SAMSN1: variants seen among roughly 807,000 people sequenced by gnomAD.
SAMSN1 encodes SAM domain-containing protein SAMSN-1.
Under a neutral mutation model 42.0 loss-of-function variants are expected in SAMSN1, and 31 were observed. That is an observed-to-expected ratio of 0.74 (90% CI 0.55 to 1.00). SAMSN1 has a LOEUF of 1.00. Among genes scored for constraint, SAMSN1 ranks in the 50% least tolerant of loss-of-function variants. The pLI, the probability that SAMSN1 is intolerant of heterozygous loss-of-function variation, is 0.00. For synonymous variants in SAMSN1, 178 were observed against 151.9 expected (o/e 1.17, Z -1.26); for missense variants, 464 against 439.4 (o/e 1.06, Z -0.50).
intron 2 of SAMSN1, among the ~76,000 whole-genome samples, chr21:14,560,282 AT>A (rs1230319209): frequency 1.3e-5 from 2 of 152,156 alleles, no homozygotes; most frequent in African/African-American, 2.4e-5. Flanking sequence ...AGTATATGAT[AT>A]TAGAGACATG....
At chr21:14,532,067 G>T (rs940261210) in intron 1 of SAMSN1, among the ~76,000 whole-genome samples, 1 of 152,026 alleles carries the variant, frequency 6.6e-6, no homozygotes, top group Admixed American at 6.6e-5. Context: ...AATGGTCACC[G>T]CCAGCCCAGC....
chr21:14,642,552 C>G lies in SAMSN1; in HGVS notation c.156+450G>C, dbSNP rs146814474. On this transcript the variant is annotated intron_variant, in intron 2 of 15. Coordinates refer to the SAMSN1 transcript ENST00000647101. ...TAGCTTGAAATTGGCCATGGTGGAG[C>G]ATTTACACTGTGGAAATTGACAAAC... 9.2e-5 allele frequency among the ~76,000 whole-genome samples: 14 copies of G among 152,300 alleles called. No homozygotes were observed. In the East Asian group the frequency reaches 2.7e-3, roughly 29 times the overall value.
chr21:14,623,859 T>G (rs8131281), intron 2 of SAMSN1, among the ~76,000 whole-genome samples: 1 of 152,080 alleles, frequency 6.6e-6, no homozygotes, highest in Non-Finnish European at 1.5e-5. Flanking sequence ...ATTCCAAAAC[T>G]GACCACATAG....
intron 5 of SAMSN1, chr21:14,609,466 TA>T: frequency 1.4e-6 from 1 of 717,788 alleles, no homozygotes; most frequent in Non-Finnish European, 2.6e-6. Flanking sequence ...TCAGCTGAAC[TA>T]AATTTAGCAA....
intron 6 of SAMSN1, chr21:14,594,820 T>C (rs962809192): frequency 6.6e-6 from 1 of 152,200 alleles, no homozygotes; most frequent in African/African-American, 2.4e-5. Flanking sequence ...AATATGATAG[T>C]GTATTAGTCC....
In SAMSN1 at chr21:14,516,952, A is replaced by G; in HGVS notation, c.219T>C (p.Ile73=). The G allele has an allele frequency of 6.2e-7, 1 of 1,613,556 alleles. No individual in the cohort carries two copies. Among genetic ancestry groups the G allele is most frequent in the Non-Finnish European group, 8.5e-7 (1 of 1,179,672 alleles). Residue 73 remains isoleucine (I), a synonymous_variant, in exon 3 of 8, where the codon ATT becomes ATC. Transcript: ENST00000400566. Reference sequence around the variant, plus strand: ...CCACTTTTTTCTTCATTGTCCATGAAATAGCTCTCATTTTTTTACCCAAAC... The same window carrying G: ...CCACTTTTTTCTTCATTGTCCATGAGATAGCTCTCATTTTTTTACCCAAAC... The part of the protein sequence containing the change: ...GGGLGKKMRA[I]SWTMKKKVGK...
chr21:14,577,053 T>C (rs1303700927), intron 2 of SAMSN1, among the ~76,000 whole-genome samples: 2 of 117,712 alleles, frequency 1.7e-5, no homozygotes, highest in African/African-American at 3.9e-5. Context: ...CGTTTCTTTT[T>C]TTTTTTTTTT....
upstream of SAMSN1, chr21:14,658,879 A>G (rs1206851415): frequency 1.5e-6 from 1 of 684,278 alleles, no homozygotes; most frequent in African/African-American, 1.8e-5. Flanking sequence ...GGAGATTATT[A>G]CAAAGTAAAA....
intron 2 of SAMSN1, among the ~76,000 whole-genome samples, chr21:14,629,170 T>TA (rs1983258248): frequency 6.6e-6 from 1 of 152,168 alleles, no homozygotes; most frequent in Non-Finnish European, 1.5e-5. Flanking sequence ...ATACCACATG[T>TA]CACTACTAAA....
intron 1 of SAMSN1, among the ~76,000 whole-genome samples, chr21:14,524,373 CA>C (rs1978695141): frequency 7.3e-6 from 1 of 137,252 alleles, no homozygotes; most frequent in Non-Finnish European, 1.7e-5. Context: ...TATAAATAAG[CA>C]GTGTCAAAAA....
At chr21:14,578,302 G>A (rs758408186) in intron 2 of SAMSN1, among the ~76,000 whole-genome samples, 65 of 152,090 alleles carry the variant, frequency 4.3e-4, no homozygotes, top group Non-Finnish European at 5.4e-4. Flanking sequence ...CGGCAATGTC[G>A]GAGCTGCATT....
intron 2 of SAMSN1, among the ~76,000 whole-genome samples, chr21:14,560,892 A>G (rs981693854): frequency 6.6e-6 from 1 of 152,254 alleles, no homozygotes; most frequent in South Asian, 2.1e-4. Context: ...GGTGGCTTAT[A>G]GCAGCAGATA....
intron 5 of SAMSN1, among the ~76,000 whole-genome samples, chr21:14,603,331 G>A (rs1282774939): frequency 6.6e-6 from 1 of 152,136 alleles, no homozygotes; most frequent in South Asian, 2.1e-4. Flanking sequence ...ATCAAGCTGA[G>A]AAAATAAGAT....
chr21:14,593,719 G>A (rs78603045), intron 7 of SAMSN1: 1 of 234,006 alleles, frequency 4.3e-6, no homozygotes, highest in South Asian at 1.1e-4. Context: ...CAGACGACAT[G>A]CTTTTTAACA....
chr21:14,496,335 C>T (rs950604101), intron 7 of SAMSN1: 13 of 152,300 alleles, frequency 8.5e-5, no homozygotes, highest in South Asian at 2.1e-4. Context: ...TCTAGCTGTT[C>T]GACTTCTTTG....
At chr21:14,555,855 A>T (rs571141620) in intron 2 of SAMSN1, among the ~76,000 whole-genome samples, 4 of 152,340 alleles carry the variant, frequency 2.6e-5, no homozygotes, top group South Asian at 2.1e-4. Context: ...GAACAAATTG[A>T]TCTAAATTTT....
In SAMSN1 at chr21:14,577,266, ATATATATATATATATATATT is replaced by A. The variant is rs1568816124; in HGVS notation, c.261+4850_261+4869del. Among the ~76,000 whole-genome samples the A allele has an allele frequency of 3.8e-3, 184 of 47,946 alleles. 17 individuals are homozygous for A. Among genetic ancestry groups the A allele is most frequent in the African/African-American group, 0.019 (165 of 8,796 alleles). 31.5% of individuals were successfully genotyped at this position (47,946 alleles called of 152,430 possible). A position where few individuals can be genotyped will look rare whatever the true frequency, so the allele number is the denominator to read the frequency against. ...TATATATATATATATATATATATAT[ATATATATATATATATATATT>A]TTTTTTTTAGAAGAGACAGGGTTTT... is the stretch of plus-strand genomic sequence containing the variant. On this transcript the variant is annotated intron_variant, in intron 2 of 8. Coordinates refer to the SAMSN1 transcript ENST00000285670.
intron 2 of SAMSN1, among the ~76,000 whole-genome samples, chr21:14,519,027 A>G (rs899944989): frequency 6.6e-6 from 1 of 152,210 alleles, no homozygotes; most frequent in African/African-American, 2.4e-5. Context: ...CAGAAGCTAC[A>G]AAGAAATTAT....
chr21:14,587,917 C>T (rs1046464920), upstream of SAMSN1, among the ~76,000 whole-genome samples: 3 of 106,884 alleles, frequency 2.8e-5, no homozygotes, highest in African/African-American at 1.1e-4. Flanking sequence ...CCGCAACAGT[C>T]CCCAGAGTGT....
Sources: gnomAD v4.1 joint callset for allele counts (sites outside exome capture counted in the v4.1 genomes callset) on GRCh38, gnomAD v4.1.1 for gene constraint, MANE v1.5 for transcripts, NCBI Gene and HGNC (gene_info 2026-07-23, HGNC 2026-07-21) for gene names.